Variants in NDUFAF1 observed in about 807,000 individuals in gnomAD.
The protein encoded by NDUFAF1 is NADH:ubiquinone oxidoreductase complex assembly factor 1, also known as complex I intermediate-associated protein 30, mitochondrial.
In NDUFAF1, 18 loss-of-function variants were observed where a neutral mutation model predicts 28.7. The observed-to-expected ratio is 0.63, with a 90% CI of 0.43 to 0.93. NDUFAF1 has a LOEUF of 0.93. Ranked by LOEUF, NDUFAF1 falls within the 40% of genes least tolerant of loss-of-function variation. The pLI is 0.00. For synonymous variants in NDUFAF1, 113 were observed against 139.7 expected (o/e 0.81, Z 1.35); for missense variants, 404 against 398.3 (o/e 1.01, Z -0.12).
At chr15:41,399,557 CA>C (rs1230422126) in intron 1 of NDUFAF1, among the ~76,000 whole-genome samples, 66 of 133,980 alleles carry the variant, frequency 4.9e-4, no homozygotes, top group Middle Eastern at 4.6e-3. Context: ...AACTCTGTCT[CA>C]AAAAAAAAAA....
chr15:41,397,217 G>T, intron 1 of NDUFAF1, 77 bp from the exon 2 acceptor site: 1 of 627,728 alleles, frequency 1.6e-6, no homozygotes, highest in Non-Finnish European at 2.8e-6. Context: ...CAGAAATCAG[G>T]TATTTTGAAG....
chr15:41,388,310 C>T, intron 4 of NDUFAF1, 138 bp downstream of exon 4: 1 of 696,354 alleles, frequency 1.4e-6, no homozygotes, highest in Non-Finnish European at 2.5e-6. Flanking sequence ...TCTAAGTCAG[C>T]CTCTGGCTGG....
rs1009484937 is a variant in NDUFAF1, at chr15:41,396,719, T to G, written c.341A>C (p.His114Pro). 3.7e-6 allele frequency: 6 copies of G among 1,614,072 alleles called. No homozygotes were observed. The highest frequency in any genetic ancestry group is 5.1e-6 in the Non-Finnish European group (6 of 1,180,048). Residue 114 changes from histidine to proline, a missense_variant, in exon 2 of 5, where the codon CAT (histidine) becomes CCT (proline). Coordinates refer to ENST00000260361, the MANE Select transcript of NDUFAF1 (RefSeq NM_016013.4). ...HWRGPEGHPL[H>P]EVLLEQAKVV... ...CTTGGCTTGTTCCAGCAAGACCTCA[T>G]GCAGAGGGTGGCCTTCCGGTCCTCT...
intron 3 of NDUFAF1, among the ~76,000 whole-genome samples, chr15:41,392,622 A>G (rs1343770894): frequency 6.6e-6 from 1 of 152,044 alleles, no homozygotes; most frequent in African/African-American, 2.4e-5. Context: ...TCCTGCCACC[A>G]TGTGAAGGAG....
At chr15:41,390,109 AC>A (rs2050298876) in intron 3 of NDUFAF1, among the ~76,000 whole-genome samples, 1 of 152,014 alleles carries the variant, frequency 6.6e-6, no homozygotes, top group Non-Finnish European at 1.5e-5. Flanking sequence ...GACTAAAGGC[AC>A]ATGCCACCAC....
At chr15:41,398,985 G>A (rs990851519) in intron 1 of NDUFAF1, among the ~76,000 whole-genome samples, 2 of 151,788 alleles carry the variant, frequency 1.3e-5, no homozygotes, top group Admixed American at 1.3e-4. Context: ...AAAAATTGTA[G>A]CCCGCCACAG....
chr15:41,390,614 A>C (rs1181206973), intron 3 of NDUFAF1, among the ~76,000 whole-genome samples: 1 of 151,722 alleles, frequency 6.6e-6, no homozygotes. Flanking sequence ...AGTCCCAGCT[A>C]CTCAGGAGGC....
At chr15:41,393,505 T>C (rs1299855674) in intron 3 of NDUFAF1, among the ~76,000 whole-genome samples, 6 of 151,222 alleles carry the variant, frequency 4.0e-5, no homozygotes, top group African/African-American at 1.5e-4. Flanking sequence ...GCCAGAATGG[T>C]CTCCATCATC....
chr15:41,397,542 G>A (rs893140905), intron 1 of NDUFAF1, among the ~76,000 whole-genome samples: 3 of 152,156 alleles, frequency 2.0e-5, no homozygotes, highest in African/African-American at 7.2e-5. Flanking sequence ...GCTGACGCCT[G>A]TAATCCCAGC....
intron 3 of NDUFAF1, among the ~76,000 whole-genome samples, chr15:41,393,296 T>TC (rs1302335032): frequency 2.8e-5 from 4 of 141,904 alleles, no homozygotes; most frequent in African/African-American, 7.8e-5. Context: ...GGCTAATTTT[T>TC]TTTTTTTTTT....
chr15:41,392,123 A>G (rs1275605772), intron 3 of NDUFAF1, among the ~76,000 whole-genome samples: 1 of 133,066 alleles, frequency 7.5e-6, no homozygotes, highest in Admixed American at 8.9e-5. Context: ...CCCAGGGTGG[A>G]GTACAGTGGC....
At chr15:41,396,363 AG>A in intron 2 of NDUFAF1, 123 bp downstream of exon 2, 1 of 889,904 alleles carries the variant, frequency 1.1e-6, no homozygotes, top group Admixed American at 2.4e-5. Flanking sequence ...GACACAGGTG[AG>A]GTGCCAAATA....
At chr15:41,392,294 A>G (rs1383712449) in intron 3 of NDUFAF1, among the ~76,000 whole-genome samples, 1 of 152,004 alleles carries the variant, frequency 6.6e-6, no homozygotes, top group African/African-American at 2.4e-5. Flanking sequence ...GGCTGGTCTC[A>G]AACTCCTGAC....
At chr15:41,390,711 C>T (rs2140911186) in intron 3 of NDUFAF1, among the ~76,000 whole-genome samples, 1 of 147,174 alleles carries the variant, frequency 6.8e-6, no homozygotes. Flanking sequence ...GGCAACAGAG[C>T]CAGACTCTGT....
At chr15:41,392,066 CT>C (rs1162627793) in intron 3 of NDUFAF1, among the ~76,000 whole-genome samples, 23,054 of 115,634 alleles carry the variant, frequency 0.2, 2,103 homozygotes, top group Non-Finnish European at 0.25. Flanking sequence ...GGACTTTATT[CT>C]TTTTTTTTTT....
At chr15:41,392,379 T>C (rs938958777) in intron 3 of NDUFAF1, among the ~76,000 whole-genome samples, 3 of 152,198 alleles carry the variant, frequency 2.0e-5, no homozygotes, top group Middle Eastern at 3.4e-3. Context: ...CAGCCTGGAC[T>C]TTATTCGAAT....
At position 41,388,479 on chromosome 15, in the gene NDUFAF1, C is replaced by T. The variant is rs771309184; in HGVS notation, c.803G>A (p.Arg268Gln). 8.7e-6 allele frequency: 14 copies of T among 1,612,944 alleles called. No homozygotes were observed. The highest frequency in any genetic ancestry group is 6.7e-5 in the East Asian group (3 of 44,882). The change falls in exon 4 of 5, where the codon CGG becomes CAG. Residue 268 changes from arginine (R) to glutamine (Q), a missense_variant. Transcript: ENST00000260361. ...AAGCGGAAGCTCATGCTGAACATCC[C>T]GGATTCTTCCTCGATTAGAGAAGAA... The part of the protein sequence containing the change: ...KFFFSNRGRI[R>Q]DVQHELPLDK...
chr15:41,395,521 A>T (rs1215741997), intron 2 of NDUFAF1, among the ~76,000 whole-genome samples: 1 of 147,888 alleles, frequency 6.8e-6, no homozygotes, highest in Non-Finnish European at 1.5e-5. Flanking sequence ...AGGCGCCCAA[A>T]ACCACACCCG....
In NDUFAF1 at chr15:41,402,206, T is replaced by C. The variant is rs1162227914; in HGVS notation, c.-144A>G. 2.2e-6 allele frequency: 1 copy of C among 454,124 alleles called. No individual in the cohort carries two copies. The highest frequency in any genetic ancestry group is 4.4e-6 in the Non-Finnish European group (1 of 226,794). The allele number at this position is 454,124 out of a possible 1,614,324, so 28.1% of individuals were successfully genotyped here. A position where few individuals can be genotyped will look rare whatever the true frequency, so the allele number is the denominator to read the frequency against. On this transcript the variant is annotated 5_prime_UTR_variant, in exon 1 of 5. The change creates a new upstream start codon in the 5' untranslated region. Coordinates refer to ENST00000260361, the MANE Select transcript of NDUFAF1 (RefSeq NM_016013.4). Reference sequence around the variant, plus strand: ...CTCACAACAATCCTGAGAGAGGTACTATTATTATTTCAATTATAGAGACGA... The same window carrying C: ...CTCACAACAATCCTGAGAGAGGTACCATTATTATTTCAATTATAGAGACGA...
Sources: gnomAD v4.1 joint callset for allele counts (sites outside exome capture counted in the v4.1 genomes callset) on GRCh38, gnomAD v4.1.1 for gene constraint, MANE v1.5 for transcripts, NCBI Gene and HGNC (gene_info 2026-07-23, HGNC 2026-07-21) for gene names.